Variants in RFFL observed in about 807,000 individuals in gnomAD.
RFFL encodes ring finger and FYVE like domain containing E3 ubiquitin protein ligase, also known as E3 ubiquitin-protein ligase rififylin.
A neutral mutation model predicts 40.4 loss-of-function variants in RFFL; 16 were observed. The ratio of observed to expected loss-of-function variants is 0.40; its 90% confidence interval spans 0.27 to 0.60. The LOEUF is 0.60. RFFL is among the 20% of genes least tolerant of loss of function. RFFL has a pLI of 0.47. For missense variants in RFFL, 367 were observed against 451.7 expected, an observed-to-expected ratio of 0.81 and a Z score of 1.70; for synonymous variants, 154 against 167.9, an observed-to-expected ratio of 0.92 and a Z score of 0.64.
intron 1 of RFFL, among the ~76,000 whole-genome samples, chr17:35,082,227 A>G (rs182498495): frequency 2.6e-5 from 4 of 152,270 alleles, no homozygotes; most frequent in African/African-American, 7.2e-5. Flanking sequence ...GCCTGCATCT[A>G]TGATGATGAT....
chr17:35,016,367 C>T lies in RFFL; in HGVS notation c.886+3G>A. ...TAAAGCTACCATGCAGATAGCCCCT[C>T]ACCCAGGTGCTGGAGTCCTTTCTGA... On this transcript the variant is annotated splice_donor_region_variant and intron_variant, in intron 5 of 6. Transcript: ENST00000394597. 2 of 1,613,700 alleles carry T rather than the reference C, an allele frequency of 1.2e-6. No homozygotes were observed. Among genetic ancestry groups the T allele is most frequent in the South Asian group, 2.2e-5 (2 of 91,074 alleles).
intron 1 of RFFL, among the ~76,000 whole-genome samples, chr17:35,040,788 T>A (rs2091159007): frequency 6.7e-6 from 1 of 149,860 alleles, no homozygotes; most frequent in African/African-American, 2.4e-5. Context: ...TTGGTCTCCC[T>A]AGAACTTCCT....
chr17:35,080,299 G>C (rs2091397616), intron 1 of RFFL, among the ~76,000 whole-genome samples: 1 of 152,210 alleles, frequency 6.6e-6, no homozygotes, highest in South Asian at 2.1e-4. Context: ...GAAGTTGATA[G>C]AGGATGAAGC....
chr17:35,013,241 C>G (rs999072405), intron 6 of RFFL, among the ~76,000 whole-genome samples: 1 of 152,272 alleles, frequency 6.6e-6, no homozygotes, highest in African/African-American at 2.4e-5. Flanking sequence ...AGCTCCTGCT[C>G]TAGAATGGCC....
upstream of RFFL, among the ~76,000 whole-genome samples, chr17:35,065,938 G>T (rs1195615372): frequency 6.6e-6 from 1 of 152,044 alleles, no homozygotes; most frequent in African/African-American, 2.4e-5. Context: ...AATAACTGTG[G>T]CTTTCTGACT....
intron 2 of RFFL, among the ~76,000 whole-genome samples, chr17:35,022,043 T>C (rs980377967): frequency 1.8e-4 from 27 of 152,250 alleles, no homozygotes; most frequent in African/African-American, 6.0e-4. Flanking sequence ...AGGCTTACTT[T>C]ATTTACTCCT....
intron 1 of RFFL, among the ~76,000 whole-genome samples, chr17:35,080,003 C>A (rs762306604): frequency 6.6e-6 from 1 of 152,112 alleles, no homozygotes; most frequent in Non-Finnish European, 1.5e-5. Flanking sequence ...CCCCTGCTTG[C>A]ACATAATTTT....
rs756147054 is a variant in RFFL, at chr17:35,026,556, TAA to T, written c.-5_-4del. On this transcript the variant is annotated 5_prime_UTR_variant, in exon 2 of 7. Transcript: ENST00000394597. ...CAGTTGCAGCAGGTTGCCCACATGA[TAA>T]AATCTGGTGCAAGGGAGGAAAGGGG... The T allele has an allele frequency of 6.2e-7, 1 of 1,612,052 alleles. No individual in the cohort carries two copies. The highest frequency in any genetic ancestry group is 8.5e-7 in the Non-Finnish European group (1 of 1,179,320).
At chr17:35,031,945 A>C (rs2091086445) in intron 1 of RFFL, among the ~76,000 whole-genome samples, 1 of 151,840 alleles carries the variant, frequency 6.6e-6, no homozygotes, top group South Asian at 2.1e-4. Context: ...AATACAAAAA[A>C]TTAGCCAGGC....
intron 1 of RFFL, among the ~76,000 whole-genome samples, chr17:35,029,539 G>A (rs1240967108): frequency 1.4e-5 from 1 of 73,788 alleles, no homozygotes; most frequent in Non-Finnish European, 2.7e-5. Context: ...TTTTTTTTTT[G>A]AGACGGAGTC....
chr17:35,039,541 T>C (rs2091149086), intron 1 of RFFL, among the ~76,000 whole-genome samples: 1 of 151,920 alleles, frequency 6.6e-6, no homozygotes, highest in African/African-American at 2.4e-5. Context: ...TTAAAGCACC[T>C]AGTCAAATAT....
intron 1 of RFFL, among the ~76,000 whole-genome samples, chr17:35,048,582 C>T (rs1027529525): frequency 3.3e-5 from 5 of 151,976 alleles, no homozygotes; most frequent in Non-Finnish European, 7.4e-5. Flanking sequence ...GTGGTTTATC[C>T]TCCTTGCAGC....
intron 1 of RFFL, among the ~76,000 whole-genome samples, chr17:35,086,333 A>C (rs1231117065): frequency 6.6e-6 from 1 of 152,064 alleles, no homozygotes; most frequent in Non-Finnish European, 1.5e-5. Flanking sequence ...CAAAAACACA[A>C]AAATTAGCTG....
At chr17:35,018,938 G>C (rs1233009886) in intron 3 of RFFL, 3 of 152,228 alleles carry the variant, frequency 2.0e-5, no homozygotes, top group East Asian at 3.8e-4. Flanking sequence ...ATGCTGCAAA[G>C]CATGCTCTTG....
intron 1 of RFFL, among the ~76,000 whole-genome samples, chr17:35,086,414 T>C (rs188107017): frequency 5.3e-5 from 8 of 151,458 alleles, no homozygotes; most frequent in African/African-American, 1.9e-4. Context: ...GGAGGCAAGG[T>C]TGCATCGAGC....
rs576201466 is a variant in RFFL at position 35,008,484 on chromosome 17, A to T, written c.*3484T>A. 6 of 151,280 alleles carry T rather than the reference A, an allele frequency of 4.0e-5. No homozygotes were observed. The highest frequency in any genetic ancestry group is 1.5e-4 in the African/African-American group (6 of 41,096). The allele number at this position is 151,280 out of a possible 1,614,324, so 9.4% of individuals were successfully genotyped here. On this transcript the variant is annotated 3_prime_UTR_variant, in exon 7 of 7. Coordinates refer to ENST00000394597, the MANE Select transcript of RFFL (RefSeq NM_001017368.2). ...GGTCTCACTCTGTCACCCTGGCTGG[A>T]GTGCGGTGGCGATCAGAGCTCACTG...
At chr17:35,078,352 G>A (rs534701523) in intron 1 of RFFL, among the ~76,000 whole-genome samples, 9 of 152,186 alleles carry the variant, frequency 5.9e-5, no homozygotes, top group African/African-American at 2.2e-4. Flanking sequence ...GTCCACACTA[G>A]AGTACAGTTG....
At chr17:35,060,354 G>A (rs1275567435) in intron 1 of RFFL, among the ~76,000 whole-genome samples, 3 of 152,090 alleles carry the variant, frequency 2.0e-5, no homozygotes, top group African/African-American at 4.8e-5. Flanking sequence ...CTTGCCTATC[G>A]AGCAAAGGCA....
intron 1 of RFFL, among the ~76,000 whole-genome samples, chr17:35,072,247 C>T (rs958258097): frequency 2.0e-5 from 3 of 149,884 alleles, no homozygotes; most frequent in Non-Finnish European, 4.4e-5. Flanking sequence ...CGCCACTGCA[C>T]TCCAGCCTGG....
Sources: allele counts gnomAD v4.1 joint callset (sites outside exome capture counted in the v4.1 genomes callset), GRCh38; gene constraint gnomAD v4.1.1; transcripts MANE v1.5; gene names NCBI Gene and HGNC (gene_info 2026-07-23, HGNC 2026-07-21).